CWF19L2: variants seen among roughly 807,000 people sequenced by gnomAD.
CWF19L2 encodes the protein CWF19 like cell cycle control factor 2.
CWF19L2 carries 98 observed loss-of-function variants against 111.7 expected under a neutral mutation model. That is an observed-to-expected ratio of 0.88 (90% confidence interval 0.75 to 1.04). The LOEUF (loss-of-function observed/expected upper bound fraction) is 1.04, where lower values mean the gene tolerates loss of function less well. Among genes scored for constraint, CWF19L2 ranks in the 50% least tolerant of loss-of-function variants. The probability of loss-of-function intolerance (pLI) is 0.00; values close to 1 mark genes in which losing one functional copy is unlikely to be tolerated. For missense variants in CWF19L2, 1,101 were observed against 1,051.4 expected, an observed-to-expected ratio of 1.05 and a Z score of -0.65; for synonymous variants, 351 against 342.9, an observed-to-expected ratio of 1.02 and a Z score of -0.26.
intron 3 of CWF19L2, among the ~76,000 whole-genome samples, chr11:107,453,841 C>T (rs1240721254): frequency 6.6e-6 from 1 of 151,972 alleles, no homozygotes; most frequent in Non-Finnish European, 1.5e-5. Flanking sequence ...CTGAAGAGTT[C>T]TTGGGCCTTA....
chr11:107,390,411 A>G (rs1860830501), intron 11 of CWF19L2, among the ~76,000 whole-genome samples, 200 bp from the exon 12 acceptor site: 1 of 151,206 alleles, frequency 6.6e-6, no homozygotes, highest in Non-Finnish European at 1.5e-5. Context: ...CTACCTCTTT[A>G]CTCTCCTCTT....
chr11:107,413,478 G>A (rs1305950967), intron 10 of CWF19L2, among the ~76,000 whole-genome samples: 3 of 152,150 alleles, frequency 2.0e-5, no homozygotes, highest in East Asian at 1.9e-4. Flanking sequence ...GGAAAACAGG[G>A]CCATACTGTG....
chr11:107,390,204 G>T lies in CWF19L2; in HGVS notation c.1742C>A (p.Thr581Asn). 1 of 1,598,808 alleles carries T rather than the reference G, an allele frequency of 6.3e-7. No homozygotes were observed. The highest frequency in any genetic ancestry group is 8.5e-7 in the Non-Finnish European group (1 of 1,173,792). ...TCTGACCCTTTCTCTTTCCTCATGG[G>T]TTGAAACCTATGACAAAATGAACAT... ...GGRRKRQMVSTHEERERVRYF... is the reference protein window; with the variant it reads ...GGRRKRQMVSNHEERERVRYF... The change falls in exon 12 of 18, where the codon ACC becomes AAC. Residue 581 changes from threonine to asparagine, a missense_variant. Physicochemically the swap from Thr to Asn is moderately conservative, Grantham distance 65 (BLOSUM62 0). Transcript: ENST00000282251.
At chr11:107,330,415 C>T (rs1859828394) in intron 16 of CWF19L2, among the ~76,000 whole-genome samples, 1 of 152,080 alleles carries the variant, frequency 6.6e-6, no homozygotes, top group South Asian at 2.1e-4. Context: ...GGACCTTGCA[C>T]ATACTTAGAG....
chr11:107,404,500 T>C, intron 10 of CWF19L2: 2 of 740,650 alleles, frequency 2.7e-6, no homozygotes, highest in East Asian at 2.5e-5. Context: ...GATGACTGTA[T>C]GGACTGTATC....
At chr11:107,425,906 T>G (rs1861369369) in intron 8 of CWF19L2, among the ~76,000 whole-genome samples, 1 of 151,956 alleles carries the variant, frequency 6.6e-6, no homozygotes, top group Admixed American at 6.6e-5. Flanking sequence ...TTTAAATTCC[T>G]GGAAATACTT....
At chr11:107,387,699 GGGT>G (rs1180036938) in intron 12 of CWF19L2, among the ~76,000 whole-genome samples, 4 of 152,058 alleles carry the variant, frequency 2.6e-5, no homozygotes, top group Non-Finnish European at 5.9e-5. Flanking sequence ...TCTTGTAAGG[GGGT>G]GTGTAACCTA....
intron 7 of CWF19L2, among the ~76,000 whole-genome samples, chr11:107,432,824 T>C (rs1861483130): frequency 6.6e-6 from 1 of 152,130 alleles, no homozygotes; most frequent in South Asian, 2.1e-4. Context: ...TTTTAGTAAT[T>C]CACCAACAAG....
chr11:107,353,814 G>A lies in CWF19L2; in HGVS notation c.1873-78C>T, dbSNP rs929907823. The A allele has an allele frequency of 5.0e-6, 5 of 993,674 alleles. No individual in the cohort carries two copies. The Admixed American group carries it at 1.1e-4, about 22-fold the overall frequency. 61.6% of individuals were successfully genotyped at this position (993,674 alleles called of 1,614,324 possible). A position where few individuals can be genotyped will look rare whatever the true frequency, so the allele number is the denominator to read the frequency against. On this transcript the variant is annotated intron_variant, in intron 12 of 17. Transcript: ENST00000282251. ...TACTGCACTGTGGTATCCTAAATCTGTATCTGTAAGTTCTATGATAAAACT... is the reference window on the plus strand; with the variant it reads ...TACTGCACTGTGGTATCCTAAATCTATATCTGTAAGTTCTATGATAAAACT...
At chr11:107,444,737 T>G (rs1861677694) in intron 3 of CWF19L2, among the ~76,000 whole-genome samples, 1 of 152,192 alleles carries the variant, frequency 6.6e-6, no homozygotes, top group African/African-American at 2.4e-5. Context: ...TACTTCTCCT[T>G]GTATAGTATT....
intron 10 of CWF19L2, among the ~76,000 whole-genome samples, chr11:107,401,374 G>T (rs988407894): frequency 5.3e-5 from 8 of 152,180 alleles, no homozygotes; most frequent in African/African-American, 1.9e-4. Flanking sequence ...AAAGTTTCTG[G>T]ATACAAGATT....
chr11:107,428,775 T>C (rs778592517), intron 8 of CWF19L2, 24 bp downstream of exon 8: 6 of 1,550,756 alleles, frequency 3.9e-6, no homozygotes, highest in Admixed American at 1.9e-5. Context: ...TCTTAACTTA[T>C]TAGGTTAAAA....
At chr11:107,387,191 C>T (rs889460731) in intron 12 of CWF19L2, among the ~76,000 whole-genome samples, 2 of 152,064 alleles carry the variant, frequency 1.3e-5, no homozygotes, top group Non-Finnish European at 2.9e-5. Context: ...TTCTTGATTT[C>T]CCACTCCCCC....
intron 12 of CWF19L2, among the ~76,000 whole-genome samples, chr11:107,380,137 A>G (rs1355477433): frequency 6.6e-6 from 1 of 151,032 alleles, no homozygotes; most frequent in Admixed American, 6.6e-5. Flanking sequence ...GTGTCATTAT[A>G]TAGAAAAAAA....
At chr11:107,404,135 C>G in intron 10 of CWF19L2, 1 of 775,600 alleles carries the variant, frequency 1.3e-6, no homozygotes, top group South Asian at 1.3e-5. Flanking sequence ...CTTTCTTCCT[C>G]TAAAGCAGCT....
chr11:107,361,582 T>C (rs556749041), intron 12 of CWF19L2, among the ~76,000 whole-genome samples: 126 of 152,372 alleles, frequency 8.3e-4, no homozygotes, highest in Non-Finnish European at 1.6e-3. Flanking sequence ...GCAATTTTAA[T>C]GATATTAAGT....
intron 10 of CWF19L2, among the ~76,000 whole-genome samples, chr11:107,414,989 A>G (rs955207154): frequency 6.6e-6 from 1 of 152,146 alleles, no homozygotes; most frequent in East Asian, 1.9e-4. Context: ...GTCCTGTCAA[A>G]ATATGTTTTC....
At chr11:107,437,597 C>T (rs1395267035) in intron 6 of CWF19L2, among the ~76,000 whole-genome samples, 2 of 152,040 alleles carry the variant, frequency 1.3e-5, no homozygotes, top group African/African-American at 4.8e-5. Context: ...TCTGAATAAA[C>T]ATAAGATGGA....
intron 10 of CWF19L2, among the ~76,000 whole-genome samples, chr11:107,395,009 T>C (rs1360497175): frequency 2.0e-5 from 3 of 152,222 alleles, no homozygotes; most frequent in Non-Finnish European, 4.4e-5. Context: ...ATGAGGTAAG[T>C]ATAGAAACTG....
Sources: allele counts gnomAD v4.1 joint callset (sites outside exome capture counted in the v4.1 genomes callset), GRCh38; gene constraint gnomAD v4.1.1; transcripts MANE v1.5; gene names NCBI Gene and HGNC (gene_info 2026-07-23, HGNC 2026-07-21).